G3BP2: variants seen among roughly 807,000 people sequenced by gnomAD.
G3BP2 encodes the protein G3BP stress granule assembly factor 2.
A neutral mutation model predicts 56.7 loss-of-function variants in G3BP2; 11 were observed. The ratio of observed to expected loss-of-function variants is 0.19; its 90% CI spans 0.12 to 0.32. The LOEUF is 0.32. Ranked by LOEUF, G3BP2 falls within the 10% of genes least tolerant of loss-of-function variation. The pLI, the probability that G3BP2 is intolerant of heterozygous loss-of-function variation, is 1.00. For missense variants in G3BP2, 340 were observed against 610.9 expected (o/e 0.56, Z 4.67); for synonymous variants, 165 against 191.6 (o/e 0.86, Z 1.15).
At position 75,645,590 on chromosome 4, in the gene G3BP2, T is replaced by C. The variant is rs754378203; in HGVS notation, c.1289A>G (p.Asn430Ser). ...GGDDRRDIRR[N>S]DRGPGGPRGI... ...ACGTGGACCACCGGGACCTCGATCA[T>C]TGCGCCTAATATCCCTGCGATCATC... is the stretch of plus-strand genomic sequence containing the variant. Residue 430 changes from asparagine (N) to serine (S), a missense_variant, in exon 12 of 12, where the codon AAT becomes AGT. Physicochemically the swap from Asn to Ser is conservative, Grantham distance 46 (BLOSUM62 1). Transcript: ENST00000359707. 5 of 1,614,106 alleles carry C rather than the reference T, an allele frequency of 3.1e-6. No homozygotes were observed. Among genetic ancestry groups the C allele is most frequent in the Non-Finnish European group, 4.2e-6 (5 of 1,180,010 alleles).
intron 3 of G3BP2, among the ~76,000 whole-genome samples, chr4:75,684,207 C>A (rs1041393439): frequency 6.6e-6 from 1 of 151,986 alleles, no homozygotes; most frequent in African/African-American, 2.4e-5. Flanking sequence ...CGTTTGAGAC[C>A]AGCCTGGCCA....
In G3BP2 at chr4:75,650,489, C is replaced by T. The variant is rs577437357; in HGVS notation, c.826-1748G>A. Among the ~76,000 whole-genome samples, 7 of 150,596 alleles carry T rather than the reference C, an allele frequency of 4.6e-5. No homozygotes were observed. In the East Asian group the frequency reaches 1.4e-3, roughly 29 times the overall value. ...AATTTAATGTAAATGATTTCAGCCA[C>T]TGTAACCAAAAGGAATATTAACTCC... On this transcript the variant is annotated intron_variant, in intron 8 of 11. Transcript: ENST00000359707.
rs1578381371 is a variant in G3BP2, at chr4:75,650,492, T to C, written c.826-1751A>G. On this transcript the variant is annotated intron_variant, in intron 8 of 11. Coordinates refer to ENST00000359707, the MANE Select transcript of G3BP2 (RefSeq NM_203505.3). Reference sequence around the variant, plus strand: ...TTAATGTAAATGATTTCAGCCACTGTAACCAAAAGGAATATTAACTCCTAT... The same window carrying C: ...TTAATGTAAATGATTTCAGCCACTGCAACCAAAAGGAATATTAACTCCTAT... Among the ~76,000 whole-genome samples the C allele has an allele frequency of 2.0e-5, 3 of 151,290 alleles. No individual in the cohort carries two copies. In the South Asian group the frequency reaches 6.2e-4, roughly 31 times the overall value.
rs1234770715 is a variant in G3BP2 at position 75,645,277 on chromosome 4, C to T, written c.*153G>A. 1.4e-5 allele frequency: 9 copies of T among 640,212 alleles called. No homozygotes were observed. Among genetic ancestry groups the T allele is most frequent in the Non-Finnish European group, 2.1e-5 (8 of 376,258 alleles). 39.7% of individuals were successfully genotyped at this position (640,212 alleles called of 1,614,324 possible). A position where few individuals can be genotyped will look rare whatever the true frequency, so the allele number is the denominator to read the frequency against. On this transcript the variant is annotated 3_prime_UTR_variant, in exon 12 of 12. Coordinates refer to ENST00000359707, the MANE Select transcript of G3BP2 (RefSeq NM_203505.3). ...TGTTGTGAAATTGGGGAAATAATGT[C>T]CACCTCAATTTAACTGATAACCAAA...
chr4:75,685,189 A>T (rs1427024850), intron 3 of G3BP2, among the ~76,000 whole-genome samples: 8 of 97,706 alleles, frequency 8.2e-5, no homozygotes, highest in East Asian at 7.1e-4. Context: ...AAAGTTTATT[A>T]AAAAAAAAAA....
At chr4:75,661,326 C>A (rs541999086) in intron 2 of G3BP2, among the ~76,000 whole-genome samples, 1 of 152,226 alleles carries the variant, frequency 6.6e-6, no homozygotes, top group African/African-American at 2.4e-5. Flanking sequence ...CGAGGCTTCA[C>A]CATGTTGGCC....
chr4:75,694,058 C>G (rs563372524), intron 3 of G3BP2, among the ~76,000 whole-genome samples: 1 of 152,112 alleles, frequency 6.6e-6, no homozygotes, highest in Non-Finnish European at 1.5e-5. Context: ...AGGTTTCAAT[C>G]CCTGCTAAAG....
intron 3 of G3BP2, among the ~76,000 whole-genome samples, chr4:75,685,188 TAA>T (rs111636779): frequency 6.9e-5 from 10 of 145,042 alleles, no homozygotes; most frequent in Admixed American, 2.8e-4. Flanking sequence ...AAAAGTTTAT[TAA>T]AAAAAAAAAC....
chr4:75,692,174 C>T (rs944020094), intron 3 of G3BP2, among the ~76,000 whole-genome samples: 2 of 152,146 alleles, frequency 1.3e-5, no homozygotes, highest in Non-Finnish European at 2.9e-5. Context: ...TTCTTCAGAA[C>T]CCTGTGCCTA....
chr4:75,693,484 G>T (rs1344983288), intron 3 of G3BP2, among the ~76,000 whole-genome samples: 9 of 143,266 alleles, frequency 6.3e-5, no homozygotes, highest in East Asian at 2.1e-4. Flanking sequence ...AGTTTTTTTT[G>T]TTTTTTTTTT....
At chr4:75,660,881 A>G (rs954531912) in intron 2 of G3BP2, among the ~76,000 whole-genome samples, 2 of 152,220 alleles carry the variant, frequency 1.3e-5, no homozygotes, top group Non-Finnish European at 2.9e-5. Context: ...TACACATAAT[A>G]TAAATCAATT....
rs13152452 is a variant in G3BP2, at chr4:75,665,656, A to C, written c.-24-3607T>G. ...ACACACACACACAAACACACAAACAAACACACACACACACACACACACACA... is the reference window on the plus strand; with the variant it reads ...ACACACACACACAAACACACAAACACACACACACACACACACACACACACA... On this transcript the variant is annotated intron_variant, in intron 1 of 11. Coordinates refer to ENST00000359707, the MANE Select transcript of G3BP2 (RefSeq NM_203505.3). Among the ~76,000 whole-genome samples the C allele has an allele frequency of 1.6e-3, 116 of 73,072 alleles. 1 individual carries two copies. In the East Asian group the frequency reaches 0.047, roughly 30 times the overall value. 47.9% of individuals were successfully genotyped at this position (73,072 alleles called of 152,430 possible).
chr4:75,707,052 C>T (rs984786401), intron 3 of G3BP2, among the ~76,000 whole-genome samples: 4 of 150,920 alleles, frequency 2.7e-5, no homozygotes, highest in East Asian at 2.0e-4. Flanking sequence ...ATTAGCTGGG[C>T]GTGGTGGCGC....
At chr4:75,721,219 G>A (rs1158255874) in intron 2 of G3BP2, among the ~76,000 whole-genome samples, 1 of 146,768 alleles carries the variant, frequency 6.8e-6, no homozygotes, top group Non-Finnish European at 1.5e-5. Flanking sequence ...GGGATTACAG[G>A]CGTGAGCCAC....
At chr4:75,705,524 A>G (rs1035102352) in intron 3 of G3BP2, among the ~76,000 whole-genome samples, 1 of 152,224 alleles carries the variant, frequency 6.6e-6, no homozygotes, top group African/African-American at 2.4e-5. Context: ...TGCACAGGTC[A>G]GGGAGTGGGT....
At chr4:75,648,618 G>T (rs149155400) in intron 9 of G3BP2, 21 bp downstream of exon 9, 1 of 1,232,248 alleles carries the variant, frequency 8.1e-7, no homozygotes. Flanking sequence ...AATGCTAAAG[G>T]CTATAAAGGA....
chr4:75,646,290 T>C (rs756849400), intron 11 of G3BP2, 48 bp downstream of exon 11: 12 of 845,230 alleles, frequency 1.4e-5, no homozygotes, highest in South Asian at 4.5e-5. Context: ...AATTAATATA[T>C]ACAACAGAAA....
rs890178716 is a variant in G3BP2, at chr4:75,673,222, G to T, written c.-39C>A. ...CCCGTACACACCTCCAGCCAACGGC[G>T]GCGGCGGGTACGTCGCGCGGAGGTC... On this transcript the variant is annotated 5_prime_UTR_variant, in exon 1 of 12. Transcript: ENST00000359707. 1.6e-6 allele frequency: 2 copies of T among 1,212,836 alleles called. No individual in the cohort carries two copies. Among genetic ancestry groups the T allele is most frequent in the Non-Finnish European group, 2.0e-6 (2 of 976,096 alleles). 75.1% of individuals were successfully genotyped at this position (1,212,836 alleles called of 1,614,324 possible).
intron 1 of G3BP2, among the ~76,000 whole-genome samples, chr4:75,664,162 G>A (rs1334816528): frequency 2.0e-5 from 3 of 151,682 alleles, no homozygotes; most frequent in African/African-American, 4.8e-5. Context: ...GATTACAGGC[G>A]TGAGCCACCG....
Sources: allele counts gnomAD v4.1 joint callset (sites outside exome capture counted in the v4.1 genomes callset), GRCh38; gene constraint gnomAD v4.1.1; transcripts MANE v1.5; gene names NCBI Gene and HGNC (gene_info 2026-07-23, HGNC 2026-07-21).